Variants in LINGO2 observed in about 807,000 individuals in gnomAD.
LINGO2 encodes the protein leucine rich repeat and Ig domain containing 2.
Under a neutral mutation model 30.6 loss-of-function variants are expected in LINGO2, and 14 were observed. The observed-to-expected ratio is 0.46, with a 90% CI of 0.30 to 0.72. LINGO2 has a LOEUF of 0.72. Among genes scored for constraint, LINGO2 ranks in the 30% least tolerant of loss-of-function variants. The probability of loss-of-function intolerance (pLI) is 0.07; values close to 1 mark genes in which losing one functional copy is unlikely to be tolerated. For synonymous variants in LINGO2, 317 were observed against 288.5 expected, an observed-to-expected ratio of 1.10 and a Z score of -1.00; for missense variants, 729 against 751.7, an observed-to-expected ratio of 0.97 and a Z score of 0.35.
intron 1 of LINGO2, among the ~76,000 whole-genome samples, chr9:28,629,614 C>T (rs1401974198): frequency 4.6e-5 from 7 of 151,966 alleles, no homozygotes; most frequent in Non-Finnish European, 1.0e-4. Flanking sequence ...TCATCAAGCA[C>T]AGAGCCCACA....
At chr9:28,226,320 G>C (rs567838723) in intron 4 of LINGO2, among the ~76,000 whole-genome samples, 12 of 152,184 alleles carry the variant, frequency 7.9e-5, no homozygotes, top group African/African-American at 2.9e-4. Flanking sequence ...GACCCATCTA[G>C]TACCTCTGTG....
intron 1 of LINGO2, among the ~76,000 whole-genome samples, chr9:28,494,615 A>C (rs866579736): frequency 3.9e-5 from 6 of 152,058 alleles, no homozygotes; most frequent in South Asian, 2.1e-4. Flanking sequence ...TCCAGTCTAT[A>C]ATTGATGGAC....
At chr9:28,301,605 C>T (rs1319086256) in intron 3 of LINGO2, among the ~76,000 whole-genome samples, 7 of 151,948 alleles carry the variant, frequency 4.6e-5, no homozygotes, top group Non-Finnish European at 4.4e-5. Flanking sequence ...AGAACAAAGC[C>T]ATTTTTTAAT....
chr9:28,516,863 A>G (rs1489564265), intron 1 of LINGO2, among the ~76,000 whole-genome samples: 2 of 152,174 alleles, frequency 1.3e-5, no homozygotes, highest in Non-Finnish European at 2.9e-5. Flanking sequence ...GAGATATCTG[A>G]TAATATTAAA....
the LINGO2 span, among the ~76,000 whole-genome samples, chr9:28,717,651 C>T: frequency 2.0e-5 from 3 of 152,018 alleles, no homozygotes; most frequent in Admixed American, 6.6e-5. Flanking sequence ...TAATGGTAGA[C>T]AGAGTGTTTT....
At chr9:28,985,025 G>A in the LINGO2 span, among the ~76,000 whole-genome samples, 1 of 151,886 alleles carries the variant, frequency 6.6e-6, no homozygotes, top group Non-Finnish European at 1.5e-5. Flanking sequence ...TCTCCCCACT[G>A]CCTCCATCCT....
chr9:29,192,518 CT>C, the LINGO2 span, among the ~76,000 whole-genome samples: 1 of 151,976 alleles, frequency 6.6e-6, no homozygotes, highest in Non-Finnish European at 1.5e-5. Context: ...CAACTAATCT[CT>C]TATACATAAA....
intron 3 of LINGO2, among the ~76,000 whole-genome samples, chr9:28,369,768 A>G (rs1820825402): frequency 6.6e-6 from 1 of 152,230 alleles, no homozygotes; most frequent in South Asian, 2.1e-4. Context: ...GCAGTGTGAA[A>G]GATTTGACAG....
the LINGO2 span, among the ~76,000 whole-genome samples, chr9:29,050,584 C>A: frequency 6.6e-6 from 1 of 152,158 alleles, no homozygotes; most frequent in African/African-American, 2.4e-5. Context: ...ATATATTTAT[C>A]TGTATGTGAG....
chr9:28,205,505 C>T (rs1037430648), intron 4 of LINGO2, among the ~76,000 whole-genome samples: 1 of 152,286 alleles, frequency 6.6e-6, no homozygotes, highest in South Asian at 2.1e-4. Context: ...TAACATATCA[C>T]TGCTGGTTTT....
the LINGO2 span, among the ~76,000 whole-genome samples, chr9:28,944,569 C>A: frequency 6.6e-6 from 1 of 152,076 alleles, no homozygotes; most frequent in Non-Finnish European, 1.5e-5. Flanking sequence ...CCACGCCTGG[C>A]TAATTTTTGT....
intron 5 of LINGO2, among the ~76,000 whole-genome samples, chr9:27,987,754 A>G (rs1006998629): frequency 2.6e-5 from 4 of 151,844 alleles, no homozygotes; most frequent in African/African-American, 9.7e-5. Context: ...GGAGCCCTAA[A>G]ATTCCACTTA....
intron 3 of LINGO2, among the ~76,000 whole-genome samples, chr9:28,348,424 T>C (rs554394479): frequency 1.3e-5 from 2 of 152,238 alleles, no homozygotes; most frequent in South Asian, 2.1e-4. Context: ...CCCACCAGAA[T>C]ACTGCGCTTT....
intron 4 of LINGO2, among the ~76,000 whole-genome samples, chr9:28,106,656 C>G (rs978563916): frequency 6.6e-6 from 1 of 152,138 alleles, no homozygotes; most frequent in Admixed American, 6.6e-5. Flanking sequence ...ATCCCACCAC[C>G]CACCATTTTC....
intron 4 of LINGO2, among the ~76,000 whole-genome samples, chr9:28,279,436 T>C (rs1003159755): frequency 1.3e-5 from 2 of 152,134 alleles, no homozygotes; most frequent in Non-Finnish European, 2.9e-5. Flanking sequence ...TTCTAAAAAT[T>C]GCCACAGCCA....
At chr9:28,004,566 G>A (rs1470741532) in intron 5 of LINGO2, among the ~76,000 whole-genome samples, 2 of 152,102 alleles carry the variant, frequency 1.3e-5, no homozygotes, top group Non-Finnish European at 2.9e-5. Flanking sequence ...TTGATGGTAA[G>A]GAGTGTGATA....
intron 3 of LINGO2, among the ~76,000 whole-genome samples, chr9:28,355,076 A>G (rs1820114275): frequency 6.6e-6 from 1 of 152,336 alleles, no homozygotes; most frequent in East Asian, 1.9e-4. Flanking sequence ...TCTAATAGGA[A>G]GAGAAATTCA....
chr9:27,947,136 C>G (rs1429859968), downstream of LINGO2, among the ~76,000 whole-genome samples: 1 of 152,132 alleles, frequency 6.6e-6, no homozygotes, highest in Non-Finnish European at 1.5e-5. Context: ...TATTTCCTAT[C>G]AGTTCTATGC....
chr9:28,702,099 G>T, the LINGO2 span, among the ~76,000 whole-genome samples: 2 of 151,852 alleles, frequency 1.3e-5, no homozygotes, highest in African/African-American at 4.8e-5. Context: ...TTCCCAATTT[G>T]TATACCTTTT....
Sources: allele counts gnomAD v4.1 joint callset (sites outside exome capture counted in the v4.1 genomes callset), GRCh38; gene constraint gnomAD v4.1.1; transcripts MANE v1.5; gene names NCBI Gene and HGNC (gene_info 2026-07-23, HGNC 2026-07-21).